SH3D19: variants seen among roughly 807,000 people sequenced by gnomAD.
SH3D19 encodes SH3 domain-containing protein 19.
A neutral mutation model predicts 112.1 loss-of-function variants in SH3D19; 58 were observed. The ratio of observed to expected loss-of-function variants is 0.52; its 90% CI spans 0.42 to 0.64. The LOEUF (loss-of-function observed/expected upper bound fraction) is 0.64. Among genes scored for constraint, SH3D19 ranks in the 30% least tolerant of loss-of-function variants. SH3D19 has a pLI of 0.00. For missense variants in SH3D19, 1,090 were observed against 1,263.4 expected, an observed-to-expected ratio of 0.86 and a Z score of 2.08; for synonymous variants, 391 against 448.5, an observed-to-expected ratio of 0.87 and a Z score of 1.62.
chr4:151,300,797 G>C (rs10015834), intron 1 of SH3D19, among the ~76,000 whole-genome samples: 54,355 of 151,978 alleles, frequency 0.36, 10,800 homozygotes, highest in Non-Finnish European at 0.46. Flanking sequence ...TGGCCAGTTT[G>C]AAGTCTGTTG....
chr4:151,234,203 G>T (rs1419540937), intron 1 of SH3D19, among the ~76,000 whole-genome samples: 1 of 152,198 alleles, frequency 6.6e-6, no homozygotes, highest in Non-Finnish European at 1.5e-5. Context: ...AACTGGAAGA[G>T]AAACCAGCTA....
chr4:151,238,437 G>A (rs532910590), intron 1 of SH3D19, among the ~76,000 whole-genome samples: 24 of 152,214 alleles, frequency 1.6e-4, no homozygotes. Flanking sequence ...TAAAAATAAA[G>A]ATTTTATTTT....
rs1360140851 is a variant in SH3D19 at position 151,187,407 on chromosome 4, G to A, written c.193+16C>T. On this transcript the variant is annotated intron_variant, in intron 3 of 19. Transcript: ENST00000604030. The stretch of plus-strand genomic sequence containing the variant: ...TATTACAGAGGAAAATACAGAGAAG[G>A]AAAAAACAAACTTACATCTCTTGAT... The A allele has an allele frequency of 8.2e-7, 1 of 1,215,676 alleles. No individual in the cohort carries two copies. Among genetic ancestry groups the A allele is most frequent in the African/African-American group, 1.6e-5 (1 of 64,214 alleles). The allele number at this position is 1,215,676 out of a possible 1,614,324, so 75.3% of individuals were successfully genotyped here.
chr4:151,207,290 T>C (rs187670666), intron 2 of SH3D19, among the ~76,000 whole-genome samples: 31 of 152,324 alleles, frequency 2.0e-4, no homozygotes, highest in African/African-American at 7.5e-4. Context: ...ACAGGAGTTG[T>C]TTCCAGAGTG....
chr4:151,238,408 G>T (rs17633654), intron 1 of SH3D19, among the ~76,000 whole-genome samples: 8,288 of 152,190 alleles, frequency 0.054, 351 homozygotes, highest in East Asian at 0.19. Context: ...TCTACACATT[G>T]GTTTTCAGCT....
At chr4:151,133,551 G>A (rs1468208425) in intron 15 of SH3D19, among the ~76,000 whole-genome samples, 4 of 152,122 alleles carry the variant, frequency 2.6e-5, no homozygotes, top group African/African-American at 2.4e-5. Context: ...ACAGCAATCC[G>A]TGGTCCAGTC....
rs1748046450 is a variant in SH3D19 at position 151,122,062 on chromosome 4, G to C, written c.*29C>G. On this transcript the variant is annotated 3_prime_UTR_variant, in exon 20 of 20. Coordinates refer to ENST00000604030, the MANE Select transcript of SH3D19 (RefSeq NM_001378122.1). ...AAGGTGATAGTTCAAGTGAGTTCTT[G>C]TGCCAAGGAACACAGACAAGCTTCT... The C allele has an allele frequency of 8.8e-7, 1 of 1,136,438 alleles. No homozygotes were observed. Among genetic ancestry groups the C allele is most frequent in the Non-Finnish European group, 1.3e-6 (1 of 755,570 alleles). The allele number at this position is 1,136,438 out of a possible 1,614,324, so 70.4% of individuals were successfully genotyped here.
intron 2 of SH3D19, among the ~76,000 whole-genome samples, chr4:151,193,270 G>GT (rs918394503): frequency 1.6e-3 from 236 of 144,438 alleles, no homozygotes; most frequent in African/African-American, 6.4e-3. Context: ...AAATAGGTTT[G>GT]TTTTTTTTTT....
intron 15 of SH3D19, among the ~76,000 whole-genome samples, chr4:151,133,523 T>C (rs1338017849): frequency 3.3e-5 from 5 of 152,218 alleles, no homozygotes; most frequent in South Asian, 4.1e-4. Context: ...AGTCTCCGTA[T>C]GTTTGTATCC....
At chr4:151,248,450 C>T (rs1390662566) in intron 1 of SH3D19, among the ~76,000 whole-genome samples, 4 of 152,150 alleles carry the variant, frequency 2.6e-5, no homozygotes, top group Admixed American at 2.6e-4. Context: ...AATTAGGAAG[C>T]ATTAGTGTTA....
At chr4:151,182,111 CCT>C (rs1237165786) in intron 3 of SH3D19, among the ~76,000 whole-genome samples, 2 of 152,044 alleles carry the variant, frequency 1.3e-5, no homozygotes, top group Admixed American at 1.3e-4. Context: ...GCCTCAGCCC[CCT>C]GAGTAGCTGG....
At chr4:151,292,024 A>G (rs1775376701) in intron 1 of SH3D19, among the ~76,000 whole-genome samples, 1 of 152,316 alleles carries the variant, frequency 6.6e-6, no homozygotes, top group South Asian at 2.1e-4. Context: ...AGATGCAAAC[A>G]TGGGTCAGGC....
chr4:151,161,783 T>TTTTTA (rs1554040979), intron 8 of SH3D19, among the ~76,000 whole-genome samples: 1 of 136,906 alleles, frequency 7.3e-6, no homozygotes, highest in Admixed American at 7.6e-5. Context: ...TTTTTTTTTT[T>TTTTTA]AGATGAGGTC....
chr4:151,293,744 G>C (rs1775516960), intron 1 of SH3D19, among the ~76,000 whole-genome samples: 1 of 152,180 alleles, frequency 6.6e-6, no homozygotes, highest in Admixed American at 6.5e-5. Flanking sequence ...TGCTCACAGA[G>C]TAAGGACAAA....
intron 2 of SH3D19, among the ~76,000 whole-genome samples, chr4:151,204,269 G>A (rs1460089415): frequency 6.6e-6 from 1 of 152,174 alleles, no homozygotes; most frequent in Non-Finnish European, 1.5e-5. Context: ...ATCGAGGAGT[G>A]AGGACAAGTA....
chr4:151,184,450 C>T lies in SH3D19; in HGVS notation c.193+2973G>A, dbSNP rs114712883. 4.3e-3 allele frequency among the ~76,000 whole-genome samples: 653 copies of T among 152,256 alleles called. 3 individuals carry two copies. Among genetic ancestry groups the T allele is most frequent in the African/African-American group, 0.015 (608 of 41,560 alleles). On this transcript the variant is annotated intron_variant, in intron 3 of 19. Coordinates refer to ENST00000604030, the MANE Select transcript of SH3D19 (RefSeq NM_001378122.1). ...GAAAGGATCTGTTTGGCCTTCTTGC[C>T]TAAACATCAGGAATACAAGTATTTC...
intron 7 of SH3D19, among the ~76,000 whole-genome samples, chr4:151,169,286 C>T (rs1332284141): frequency 1.3e-5 from 2 of 151,934 alleles, no homozygotes; most frequent in Non-Finnish European, 2.9e-5. Context: ...CTATACATGT[C>T]TCCGGGAAAA....
intron 1 of SH3D19, among the ~76,000 whole-genome samples, chr4:151,304,248 G>A (rs904395646): frequency 6.6e-6 from 1 of 152,084 alleles, no homozygotes; most frequent in African/African-American, 2.4e-5. Flanking sequence ...GATAGAAACT[G>A]GCAGAATCAA....
At chr4:151,184,704 G>GCATAGT (rs1163759667) in intron 3 of SH3D19, among the ~76,000 whole-genome samples, 1 of 152,020 alleles carries the variant, frequency 6.6e-6, no homozygotes, top group African/African-American at 2.4e-5. Flanking sequence ...CTCATCCTAA[G>GCATAGT]CATAGTCAGA....
Sources: allele counts gnomAD v4.1 joint callset (sites outside exome capture counted in the v4.1 genomes callset), GRCh38; gene constraint gnomAD v4.1.1; transcripts MANE v1.5; gene names NCBI Gene and HGNC (gene_info 2026-07-23, HGNC 2026-07-21).